ACTN3: variants seen among roughly 807,000 people sequenced by gnomAD.
ACTN3 encodes actinin alpha 3, also known as alpha-actinin-3.
A neutral mutation model predicts 119.6 loss-of-function variants in ACTN3; 91 were observed. The observed-to-expected ratio is 0.76, with a 90% confidence interval of 0.64 to 0.91. The LOEUF (loss-of-function observed/expected upper bound fraction) is 0.91. Ranked by LOEUF, ACTN3 falls within the 40% of genes least tolerant of loss-of-function variation. The probability of loss-of-function intolerance (pLI) is 0.00; values close to 1 mark genes in which losing one functional copy is unlikely to be tolerated. For missense variants in ACTN3, 1,221 were observed against 1,215.1 expected, an observed-to-expected ratio of 1.00 and a Z score of -0.07; for synonymous variants, 456 against 478.8, an observed-to-expected ratio of 0.95 and a Z score of 0.62.
intron 3 of ACTN3, among the ~76,000 whole-genome samples, chr11:66,553,257 C>G (rs1857514927): frequency 6.7e-6 from 1 of 149,840 alleles, no homozygotes; most frequent in Admixed American, 6.7e-5. Context: ...CTGTCACCCC[C>G]CAAAAAATAG....
chr11:66,554,426 C>T (rs1857545374), intron 4 of ACTN3, 110 bp from the exon 5 acceptor site: 1 of 843,594 alleles, frequency 1.2e-6, no homozygotes, highest in Non-Finnish European at 1.8e-6. Flanking sequence ...TCACTGCACT[C>T]CAGTTGGATG....
chr11:66,555,844 T>A (rs78546822), intron 7 of ACTN3, among the ~76,000 whole-genome samples: 2 of 152,094 alleles, frequency 1.3e-5, no homozygotes, highest in East Asian at 3.9e-4. Context: ...GAGGGAGGTA[T>A]AGGATAGTTC....
intron 19 of ACTN3, 40 bp downstream of exon 19, chr11:66,562,362 C>A (rs951194200): frequency 8.7e-6 from 14 of 1,600,376 alleles, no homozygotes; most frequent in Non-Finnish European, 1.1e-5. Context: ...TCCCAAAGTA[C>A]CCCCTCCTCT....
At chr11:66,556,746 G>A (rs1450056275) in intron 8 of ACTN3, among the ~76,000 whole-genome samples, 1 of 74,938 alleles carries the variant, frequency 1.3e-5, no homozygotes, top group South Asian at 5.8e-4. Flanking sequence ...TGGGGGCTCT[G>A]TTTTTGTTTG....
At chr11:66,550,712 A>G (rs1590803737) in intron 1 of ACTN3, among the ~76,000 whole-genome samples, 1 of 152,232 alleles carries the variant, frequency 6.6e-6, no homozygotes, top group East Asian at 1.9e-4. Flanking sequence ...AACAGCCCTC[A>G]GAGTCCTTAC....
chr11:66,546,853 A>T, upstream of ACTN3: 7 of 1,510,936 alleles, frequency 4.6e-6, no homozygotes, highest in South Asian at 8.8e-5. Context: ...TGCGAATTCG[A>T]TCTGGGGCTG....
chr11:66,557,644 G>A, intron 9 of ACTN3, 55 bp from the exon 10 acceptor site: 2 of 1,549,050 alleles, frequency 1.3e-6, no homozygotes. Flanking sequence ...AGGGGTGGGT[G>A]AGCTGGGCAG....
upstream of ACTN3, chr11:66,546,796 G>A (rs772365508): frequency 9.1e-6 from 14 of 1,533,528 alleles, no homozygotes; most frequent in South Asian, 1.2e-5. Flanking sequence ...GGTCCAACCC[G>A]AGCTCCTTCA....
intron 19 of ACTN3, 163 bp from the exon 20 acceptor site, chr11:66,562,633 C>A (rs1857808515): frequency 2.9e-6 from 1 of 346,964 alleles, no homozygotes; most frequent in Non-Finnish European, 4.1e-6. Context: ...TTCAGCCTAC[C>A]ATAAAGGACT....
rs531092241 is a variant in ACTN3 at position 66,551,158 on chromosome 11, T to C, written c.148-81T>C. ...TCCAGAAATACAAGGCTCTGAGACC[T>C]ACCCTGACTGAGGAGACAGGACTGT... On this transcript the variant is annotated intron_variant, in intron 1 of 20. Coordinates refer to ENST00000513398, the MANE Select transcript of ACTN3 (RefSeq NM_001104.4). 181 of 1,035,662 alleles carry C rather than the reference T, an allele frequency of 1.7e-4. 1 individual carries two copies. The highest frequency in any genetic ancestry group is 6.9e-4 in the Admixed American group (35 of 50,476). 64.2% of individuals were successfully genotyped at this position (1,035,662 alleles called of 1,614,324 possible).
Position 66,553,636 on chromosome 11 carries a change from C to T in ACTN3, c.383-409C>T, listed in dbSNP as rs777802132. On this transcript the variant is annotated intron_variant, in intron 3 of 20. Coordinates refer to ENST00000513398, the MANE Select transcript of ACTN3 (RefSeq NM_001104.4). The stretch of plus-strand genomic sequence containing the variant: ...TTGTAATCCCAGCACTTTGGGAGGC[C>T]GAGGCAGGCAGATCATGAGGTCAGG... Among the ~76,000 whole-genome samples, 15 of 151,074 alleles carry T rather than the reference C, an allele frequency of 9.9e-5. No individual in the cohort carries two copies. In the South Asian group the frequency reaches 1.3e-3, roughly 13 times the overall value.
rs1371363305 is a variant in ACTN3 at position 66,563,203 on chromosome 11, C to G, written c.*10C>G. ...GGAGAGCGACCTTTGACCCCAACCA[C>G]TGAGGTTCTCTATGCAAGATGGAGA... On this transcript the variant is annotated 3_prime_UTR_variant, in exon 21 of 21. Transcript: ENST00000513398. 2 of 1,589,384 alleles carry G rather than the reference C, an allele frequency of 1.3e-6. No homozygotes were observed. The highest frequency in any genetic ancestry group is 1.3e-5 in the African/African-American group (1 of 74,416).
intron 3 of ACTN3, among the ~76,000 whole-genome samples, chr11:66,553,815 C>A (rs1246104040): frequency 7.0e-6 from 1 of 143,388 alleles, no homozygotes. Flanking sequence ...GATTGCGCCA[C>A]TGCACTCCAG....
chr11:66,554,208 C>A (rs568101248), intron 4 of ACTN3, 77 bp downstream of exon 4: 3 of 1,234,036 alleles, frequency 2.4e-6, no homozygotes, highest in Non-Finnish European at 2.3e-6. Context: ...GAGGTCGAGG[C>A]GGGCAGACCA....
chr11:66,547,209 G>C (rs1857369653), intron 1 of ACTN3, 125 bp downstream of exon 1: 2 of 1,189,978 alleles, frequency 1.7e-6, no homozygotes, highest in Non-Finnish European at 2.2e-6. Context: ...CCCCAGCCCA[G>C]GCTCTGCCCA....
At position 66,555,387 on chromosome 11, in the gene ACTN3, G is replaced by T. The variant is rs1857571029; in HGVS notation, c.718+20G>T. 6.2e-7 allele frequency: 1 copy of T among 1,612,442 alleles called. No homozygotes were observed. Among genetic ancestry groups the T allele is most frequent in the Non-Finnish European group, 8.5e-7 (1 of 1,178,730 alleles). On this transcript the variant is annotated intron_variant, in intron 7 of 20. Transcript: ENST00000513398. ...CAGAAGGTGAGAGTGAGCTAGCCCA[G>T]GGGAAGACCCCACATTCTCCACACT...
chr11:66,554,014 G>A (rs1857532583), intron 3 of ACTN3, 31 bp from the exon 4 acceptor site: 1 of 1,602,792 alleles, frequency 6.2e-7, no homozygotes, highest in Admixed American at 1.7e-5. Flanking sequence ...TGAATGCCAG[G>A]CAAATCTGTC....
Position 66,554,033 on chromosome 11 carries a change from C to G in ACTN3, c.383-12C>G. Reference sequence around the variant, plus strand: ...TGCCAGGCAAATCTGTCCCCTGACCCCTGCCCTGCAGAGATTGTTGACGGG... The same window carrying G: ...TGCCAGGCAAATCTGTCCCCTGACCGCTGCCCTGCAGAGATTGTTGACGGG... On this transcript the variant is annotated splice_polypyrimidine_tract_variant and intron_variant, in intron 3 of 20. Coordinates refer to ENST00000513398, the MANE Select transcript of ACTN3 (RefSeq NM_001104.4). The G allele has an allele frequency of 1.2e-6, 2 of 1,613,136 alleles. No individual in the cohort carries two copies. Among genetic ancestry groups the G allele is most frequent in the South Asian group, 2.2e-5 (2 of 91,046 alleles).
intron 1 of ACTN3, among the ~76,000 whole-genome samples, chr11:66,547,615 C>G (rs1341115517): frequency 6.6e-6 from 1 of 152,150 alleles, no homozygotes; most frequent in Non-Finnish European, 1.5e-5. Flanking sequence ...ACAGGCCCCA[C>G]ATCACAGACT....
Sources: gnomAD v4.1 joint callset for allele counts (sites outside exome capture counted in the v4.1 genomes callset) on GRCh38, gnomAD v4.1.1 for gene constraint, MANE v1.5 for transcripts, NCBI Gene and HGNC (gene_info 2026-07-23, HGNC 2026-07-21) for gene names.